The following PDE4B variants were observed in gnomAD, a reference collection of about 807,000 sequenced individuals.
PDE4B encodes phosphodiesterase 4B.
A neutral mutation model predicts 82.2 loss-of-function variants in PDE4B; 20 were observed. That is an observed-to-expected ratio of 0.24 (90% CI 0.17 to 0.35). PDE4B has a LOEUF of 0.35. PDE4B is among the 10% of genes least tolerant of loss of function. The pLI is 1.00. For missense variants in PDE4B, 655 were observed against 907.2 expected (o/e 0.72, Z 3.57); for synonymous variants, 320 against 318.9 (o/e 1.00, Z -0.04).
chr1:66,061,168 A>T (rs1168138119), intron 3 of PDE4B, among the ~76,000 whole-genome samples: 1 of 150,962 alleles, frequency 6.6e-6, no homozygotes, highest in African/African-American at 2.4e-5. Context: ...ACTCAGGAGG[A>T]TGACAGATTT....
intron 3 of PDE4B, among the ~76,000 whole-genome samples, chr1:66,064,254 G>A (rs1009711562): frequency 1.3e-5 from 2 of 151,906 alleles, no homozygotes; most frequent in Non-Finnish European, 2.9e-5. Flanking sequence ...AAGGGACAAA[G>A]CCAGGGTTGA....
At chr1:66,118,051 C>T (rs1170557819) in intron 3 of PDE4B, among the ~76,000 whole-genome samples, 1 of 152,158 alleles carries the variant, frequency 6.6e-6, no homozygotes, top group Non-Finnish European at 1.5e-5. Flanking sequence ...TTGCATTTCT[C>T]TGATGGCCAG....
At position 66,372,387 on chromosome 1, in the gene PDE4B, C is replaced by A. The variant is rs41286716; in HGVS notation, c.1920C>A (p.Asp640Glu). ...WADLVQPDAQ[D>E]ILDTLEDNRN... ...ATTTGGTACAGCCTGATGCTCAGGACATTCTCGATACCTTAGAAGATAACA... is the reference window on the plus strand; with the variant it reads ...ATTTGGTACAGCCTGATGCTCAGGAAATTCTCGATACCTTAGAAGATAACA... Residue 640 changes from aspartate (D) to glutamate (E), a missense_variant, in exon 17 of 17, where the codon GAC becomes GAA. Asp to Glu is a conservative substitution (Grantham distance 45, BLOSUM62 2). Around this residue, in one of 3 missense-constraint regions of PDE4B, gnomAD observed 283 missense variants for 516.4 expected, o/e 0.55. Coordinates refer to ENST00000341517, the MANE Select transcript of PDE4B (RefSeq NM_002600.4). 2.8e-5 allele frequency: 45 copies of A among 1,614,106 alleles called. No individual in the cohort carries two copies. The highest frequency in any genetic ancestry group is 3.8e-5 in the Non-Finnish European group (45 of 1,179,960).
rs77510448 is a variant in PDE4B, at chr1:66,226,684, G to A, written c.282-20776G>A. The stretch of plus-strand genomic sequence containing the variant: ...AAGGAAAATTGTATAAAATGAGATC[G>A]GAAAGCAGAGAGCAGATTGTGGAAA... On this transcript the variant is annotated intron_variant, in intron 3 of 16. Coordinates refer to ENST00000341517, the MANE Select transcript of PDE4B (RefSeq NM_002600.4). Among the ~76,000 whole-genome samples, 1,154 of 152,298 alleles carry A rather than the reference G, an allele frequency of 7.6e-3. 6 individuals carry two copies. Among genetic ancestry groups the A allele is most frequent in the South Asian group, 0.016 (79 of 4,830 alleles).
intron 3 of PDE4B, among the ~76,000 whole-genome samples, chr1:66,096,509 TA>T (rs1557557789): frequency 0.13 from 392 of 3,054 alleles, 6 homozygotes; most frequent in African/African-American, 0.2. Flanking sequence ...TAAAAAAAAT[TA>T]TATATATATA....
At chr1:66,059,889 A>G (rs1222175605) in intron 3 of PDE4B, among the ~76,000 whole-genome samples, 1 of 152,214 alleles carries the variant, frequency 6.6e-6, no homozygotes, top group Non-Finnish European at 1.5e-5. Flanking sequence ...TACCTCTTAC[A>G]ATGGAACCCC....
At chr1:66,296,350 T>G (rs116109684) in intron 7 of PDE4B, among the ~76,000 whole-genome samples, 1,537 of 152,272 alleles carry the variant, frequency 0.01, 30 homozygotes, top group African/African-American at 0.035. Context: ...GTAGTCTGTT[T>G]ACGATAAACA....
intron 7 of PDE4B, among the ~76,000 whole-genome samples, chr1:66,266,331 G>T (rs1655036862): frequency 1.3e-5 from 2 of 152,124 alleles, no homozygotes; most frequent in African/African-American, 4.8e-5. Flanking sequence ...GATAAACATG[G>T]GGTAATGCTG....
chr1:66,131,313 T>A lies in PDE4B; in HGVS notation c.282-116147T>A, dbSNP rs116415399. Among the ~76,000 whole-genome samples, 117 of 152,080 alleles carry A rather than the reference T, an allele frequency of 7.7e-4. 1 individual carries two copies. Among genetic ancestry groups the A allele is most frequent in the African/African-American group, 2.7e-3 (113 of 41,488 alleles). On this transcript the variant is annotated intron_variant, in intron 3 of 16. Transcript: ENST00000341517. ...ATGGGGGCTTTGCTAATAAGTCAAT[T>A]CCACTAAGCAGCTACTTATTTGACC... is the stretch of plus-strand genomic sequence containing the variant.
At chr1:66,162,480 T>C (rs571589765) in intron 3 of PDE4B, among the ~76,000 whole-genome samples, 4 of 152,134 alleles carry the variant, frequency 2.6e-5, no homozygotes, top group Admixed American at 2.6e-4. Flanking sequence ...CATCAGATCT[T>C]GGGTAAGCCA....
At chr1:65,795,690 C>T (rs1005743319) in intron 1 of PDE4B, among the ~76,000 whole-genome samples, 8 of 152,244 alleles carry the variant, frequency 5.3e-5, no homozygotes, top group Non-Finnish European at 1.0e-4. Context: ...TGCAGCACAA[C>T]TCTGGAAAAC....
At chr1:66,137,633 AGT>A (rs1646085168) in intron 3 of PDE4B, among the ~76,000 whole-genome samples, 1 of 152,198 alleles carries the variant, frequency 6.6e-6, no homozygotes, top group African/African-American at 2.4e-5. Context: ...CTAATGTTAG[AGT>A]CTGGACAGCA....
intron 3 of PDE4B, among the ~76,000 whole-genome samples, chr1:66,035,343 C>T (rs957689024): frequency 1.3e-5 from 2 of 152,010 alleles, no homozygotes; most frequent in Non-Finnish European, 2.9e-5. Flanking sequence ...ACCTAAACTC[C>T]TCTCTTTTAG....
intron 3 of PDE4B, among the ~76,000 whole-genome samples, chr1:66,207,334 A>G (rs185162362): frequency 8.5e-4 from 129 of 152,310 alleles, no homozygotes; most frequent in Non-Finnish European, 1.6e-3. Flanking sequence ...TTCTTAATGC[A>G]ATTTATAGTG....
chr1:65,919,349 G>T (rs1163333287), intron 3 of PDE4B, among the ~76,000 whole-genome samples: 1 of 152,108 alleles, frequency 6.6e-6, no homozygotes, highest in Non-Finnish European at 1.5e-5. Context: ...AGAGATGCTG[G>T]CACTGTTGTG....
At chr1:66,075,928 A>AC (rs201673839) in intron 3 of PDE4B, among the ~76,000 whole-genome samples, 1,641 of 7,778 alleles carry the variant, frequency 0.21, 25 homozygotes, top group African/African-American at 0.32. Flanking sequence ...ACAAAACAAA[A>AC]AAAACAAAAC....
chr1:65,802,696 A>T (rs781283411), intron 1 of PDE4B, among the ~76,000 whole-genome samples: 2 of 152,016 alleles, frequency 1.3e-5, no homozygotes, highest in Non-Finnish European at 2.9e-5. Context: ...TTGTCTCATA[A>T]ATTTGTAATC....
chr1:65,891,323 A>T lies in PDE4B; in HGVS notation c.-70-21922A>T, dbSNP rs1369861646. Among the ~76,000 whole-genome samples the T allele has an allele frequency of 5.3e-5, 8 of 152,220 alleles. No homozygotes were observed. The East Asian group carries it at 1.2e-3, about 22-fold the overall frequency. On this transcript the variant is annotated intron_variant, in intron 1 of 16. Transcript: ENST00000341517. ...GGCATCTGCTCTTTGTACATTTTAT[A>T]TGATTAATAGTTGTTGAAATAAGGG...
chr1:66,050,974 A>T (rs947925168), intron 3 of PDE4B, among the ~76,000 whole-genome samples: 1 of 152,114 alleles, frequency 6.6e-6, no homozygotes, highest in Non-Finnish European at 1.5e-5. Flanking sequence ...CAGAGTGAGG[A>T]ATCTAGACAC....
Sources: gnomAD v4.1 joint callset for allele counts (sites outside exome capture counted in the v4.1 genomes callset) on GRCh38, gnomAD v4.1.1 for gene constraint, gnomAD v4.1.1 regional missense constraint, MANE v1.5 for transcripts, NCBI Gene and HGNC (gene_info 2026-07-23, HGNC 2026-07-21) for gene names.